Variants in SERGEF observed in about 807,000 individuals in gnomAD.
SERGEF encodes the protein secretion-regulating guanine nucleotide exchange factor.
SERGEF carries 51 observed loss-of-function variants against 50.0 expected under a neutral mutation model. The observed-to-expected ratio is 1.02, with a 90% CI of 0.81 to 1.29. The LOEUF is 1.29. SERGEF is among the 50% of genes most tolerant of loss of function. SERGEF has a pLI of 0.00. For synonymous variants in SERGEF, 205 were observed against 212.4 expected, an observed-to-expected ratio of 0.97 and a Z score of 0.30; for missense variants, 521 against 557.0, an observed-to-expected ratio of 0.94 and a Z score of 0.65.
chr11:17,824,971 T>C (rs977032672), intron 10 of SERGEF, among the ~76,000 whole-genome samples: 2 of 152,206 alleles, frequency 1.3e-5, no homozygotes, highest in African/African-American at 4.8e-5. Context: ...TGCACACACT[T>C]TCTTAATGAT....
At chr11:17,824,084 G>A (rs1176718059) in intron 10 of SERGEF, among the ~76,000 whole-genome samples, 1 of 152,118 alleles carries the variant, frequency 6.6e-6, no homozygotes, top group Non-Finnish European at 1.5e-5. Flanking sequence ...GGCGGATCAC[G>A]ACATCAGGAG....
At chr11:17,803,697 T>C (rs138510624) in intron 10 of SERGEF, among the ~76,000 whole-genome samples, 147 of 152,334 alleles carry the variant, frequency 9.6e-4, no homozygotes, top group African/African-American at 3.3e-3. Context: ...CAGGATCTAC[T>C]TCTCAGCCTT....
intron 9 of SERGEF, among the ~76,000 whole-genome samples, chr11:17,891,645 G>A (rs1219083612): frequency 6.6e-6 from 1 of 152,196 alleles, no homozygotes; most frequent in Non-Finnish European, 1.5e-5. Flanking sequence ...CTGAAAGACA[G>A]TCACATAGAA....
intron 10 of SERGEF, among the ~76,000 whole-genome samples, chr11:17,875,457 G>A (rs1297297460): frequency 6.6e-6 from 1 of 152,230 alleles, no homozygotes; most frequent in African/African-American, 2.4e-5. Flanking sequence ...ATGGATTTGA[G>A]CGTTGCCTCC....
chr11:17,873,184 G>A (rs537393), intron 10 of SERGEF, among the ~76,000 whole-genome samples: 58,692 of 151,992 alleles, frequency 0.39, 11,975 homozygotes, highest in East Asian at 0.75. Context: ...GAAATTAGAG[G>A]TGGGGGTAAA....
intron 10 of SERGEF, among the ~76,000 whole-genome samples, chr11:17,876,623 G>A (rs534713336): frequency 6.6e-6 from 1 of 152,240 alleles, no homozygotes; most frequent in Admixed American, 6.5e-5. Flanking sequence ...CTGTCTGCCT[G>A]CAGAGTCTTT....
rs112404400 is a variant in SERGEF at position 17,823,490 on chromosome 11, T to C, written c.1049-35077A>G. The stretch of plus-strand genomic sequence containing the variant: ...TGGAGCCTGAAAGAATAATAAGATA[T>C]TAAAGTGTCAAAGGACATCCCAAGT... On this transcript the variant is annotated intron_variant, in intron 10 of 10. Coordinates refer to ENST00000265965, the MANE Select transcript of SERGEF (RefSeq NM_012139.4). Among the ~76,000 whole-genome samples, 466 of 152,124 alleles carry C rather than the reference T, an allele frequency of 3.1e-3. 3 individuals carry two copies. Among genetic ancestry groups the C allele is most frequent in the African/African-American group, 0.011 (437 of 41,482 alleles).
At chr11:17,849,022 T>C (rs1850666883) in intron 10 of SERGEF, among the ~76,000 whole-genome samples, 1 of 152,224 alleles carries the variant, frequency 6.6e-6, no homozygotes, top group African/African-American at 2.4e-5. Flanking sequence ...CTACAAATCA[T>C]AGAGAGATGA....
chr11:17,924,395 G>T (rs997462165), intron 9 of SERGEF, among the ~76,000 whole-genome samples: 1 of 152,164 alleles, frequency 6.6e-6, no homozygotes, highest in Admixed American at 6.6e-5. Flanking sequence ...AGAGAACCTG[G>T]TATGTTCAGG....
Position 17,972,307 on chromosome 11 carries a change from G to A in SERGEF, c.845-12671C>T, listed in dbSNP as rs1409533680. Among the ~76,000 whole-genome samples, 6 of 152,192 alleles carry A rather than the reference G, an allele frequency of 3.9e-5. No homozygotes were observed. In the East Asian group the frequency reaches 1.2e-3, roughly 29 times the overall value. ...CATGCTACAGAGAAATCTTGTGAAA[G>A]GAAGAGTTCAACTGATGTGGCAAAT... On this transcript the variant is annotated intron_variant, in intron 8 of 10. Transcript: ENST00000265965.
intron 8 of SERGEF, among the ~76,000 whole-genome samples, chr11:17,968,709 TAA>T (rs35149608): frequency 7.0e-5 from 10 of 143,632 alleles, no homozygotes; most frequent in Admixed American, 1.4e-4. Flanking sequence ...GTCTCTAATT[TAA>T]AAAAAAAAAA....
chr11:17,864,544 T>C (rs1276684137), intron 10 of SERGEF, among the ~76,000 whole-genome samples: 1 of 152,222 alleles, frequency 6.6e-6, no homozygotes, highest in African/African-American at 2.4e-5. Flanking sequence ...GAAACATCTT[T>C]CTTAAATGTA....
chr11:17,904,945 T>G (rs932685336), intron 9 of SERGEF, among the ~76,000 whole-genome samples: 2 of 152,192 alleles, frequency 1.3e-5, no homozygotes, highest in Non-Finnish European at 2.9e-5. Context: ...TTTTTCCAAC[T>G]TTGCTCAACC....
At chr11:17,902,734 A>G (rs886869927) in intron 9 of SERGEF, among the ~76,000 whole-genome samples, 1 of 152,238 alleles carries the variant, frequency 6.6e-6, no homozygotes, top group Non-Finnish European at 1.5e-5. Context: ...CAAACAAAAA[A>G]TCATTTTGTA....
chr11:17,927,319 C>G (rs1285372314), intron 9 of SERGEF, among the ~76,000 whole-genome samples: 1 of 152,204 alleles, frequency 6.6e-6, no homozygotes, highest in Non-Finnish European at 1.5e-5. Flanking sequence ...CATAGAGAGG[C>G]TCTGCTTAAG....
intron 8 of SERGEF, among the ~76,000 whole-genome samples, chr11:17,987,944 G>C (rs1361344389): frequency 6.6e-6 from 1 of 152,168 alleles, no homozygotes; most frequent in Non-Finnish European, 1.5e-5. Context: ...AGGCAGGGAT[G>C]AATAGAGGCC....
At chr11:17,983,952 A>G (rs949854144) in intron 8 of SERGEF, among the ~76,000 whole-genome samples, 1 of 152,228 alleles carries the variant, frequency 6.6e-6, no homozygotes, top group Non-Finnish European at 1.5e-5. Flanking sequence ...TCAAGGGACC[A>G]AGCAAAGGCC....
chr11:17,979,612 A>C (rs1853450774), intron 8 of SERGEF, among the ~76,000 whole-genome samples: 1 of 152,196 alleles, frequency 6.6e-6, no homozygotes, highest in African/African-American at 2.4e-5. Context: ...AGTGAATGCA[A>C]GTATACAAGT....
chr11:17,910,349 A>G (rs1309088439), intron 9 of SERGEF, among the ~76,000 whole-genome samples: 1 of 152,182 alleles, frequency 6.6e-6, no homozygotes, highest in Non-Finnish European at 1.5e-5. Context: ...CTTGGGCTCA[A>G]GCAATCCTCC....
Sources: gnomAD v4.1 joint callset for allele counts (sites outside exome capture counted in the v4.1 genomes callset) on GRCh38, gnomAD v4.1.1 for gene constraint, MANE v1.5 for transcripts, NCBI Gene and HGNC (gene_info 2026-07-23, HGNC 2026-07-21) for gene names.